Variants in METTL15 observed in about 807,000 individuals in gnomAD.
The protein encoded by METTL15 is 12S rRNA N(4)-cytidine methyltransferase METTL15.
In METTL15, 34 loss-of-function variants were observed where a neutral mutation model predicts 38.3. The observed-to-expected ratio is 0.89, with a 90% CI of 0.68 to 1.18. METTL15 has a LOEUF of 1.18. Among genes scored for constraint, METTL15 ranks in the 50% most tolerant of loss-of-function variants. METTL15 has a pLI of 0.00. For missense variants in METTL15, 438 were observed against 498.4 expected (o/e 0.88, Z 1.15); for synonymous variants, 162 against 170.9 (o/e 0.95, Z 0.41).
intron 5 of METTL15, among the ~76,000 whole-genome samples, chr11:28,391,469 C>G (rs1301936303): frequency 6.6e-6 from 1 of 151,958 alleles, no homozygotes; most frequent in Non-Finnish European, 1.5e-5. Context: ...AAGACCTTTT[C>G]TGCATCTATT....
intron 3 of METTL15, among the ~76,000 whole-genome samples, chr11:28,195,220 G>A (rs1202408749): frequency 2.0e-5 from 3 of 151,850 alleles, no homozygotes; most frequent in Non-Finnish European, 2.9e-5. Flanking sequence ...TTTTCTTTTA[G>A]GTAGATACCC....
chr11:28,324,581 C>G (rs1435092686), intron 6 of METTL15, among the ~76,000 whole-genome samples: 2 of 152,236 alleles, frequency 1.3e-5, no homozygotes, highest in Non-Finnish European at 2.9e-5. Flanking sequence ...TGAGAGTTCA[C>G]TTGCTCCAAC....
rs1485687345 is a variant in METTL15 at position 28,369,079 on chromosome 11, C to T, written c.*358+7043C>T. On this transcript the variant is annotated intron_variant and NMD_transcript_variant, in intron 5 of 7. Transcript: ENST00000532947. ...TGATGAGTTGATGGGTGCAGCAAGC[C>T]ACCATGGCACCTGTATACCTATGTA... Among the ~76,000 whole-genome samples, 3 of 151,916 alleles carry T rather than the reference C, an allele frequency of 2.0e-5. No homozygotes were observed. In the South Asian group the frequency reaches 6.2e-4, roughly 32 times the overall value.
intron 3 of METTL15, among the ~76,000 whole-genome samples, chr11:28,119,507 C>A (rs1350631380): frequency 1.3e-5 from 2 of 152,104 alleles, no homozygotes; most frequent in Non-Finnish European, 2.9e-5. Context: ...AAAACAGATA[C>A]AAAGGCTGAG....
At chr11:28,263,396 A>G (rs1855287865) in intron 4 of METTL15, among the ~76,000 whole-genome samples, 1 of 152,120 alleles carries the variant, frequency 6.6e-6, no homozygotes, top group Non-Finnish European at 1.5e-5. Context: ...TTTTGTAGTC[A>G]AGGTGATAAA....
intron 4 of METTL15, among the ~76,000 whole-genome samples, chr11:28,263,154 A>G (rs1363841407): frequency 2.0e-5 from 3 of 152,072 alleles, no homozygotes; most frequent in African/African-American, 7.2e-5. Context: ...TATATACAGT[A>G]TGGTGACATT....
intron 3 of METTL15, among the ~76,000 whole-genome samples, chr11:28,348,040 CTA>C (rs1408271587): frequency 6.6e-6 from 1 of 152,166 alleles, no homozygotes; most frequent in Non-Finnish European, 1.5e-5. Context: ...CATTACCATC[CTA>C]TGAGATTGCA....
chr11:28,508,715 T>A (rs1019134703), intron 6 of METTL15, among the ~76,000 whole-genome samples: 26 of 152,208 alleles, frequency 1.7e-4, no homozygotes, highest in Non-Finnish European at 1.5e-5. Context: ...TAATTCTGTA[T>A]AATCATCAGG....
At chr11:28,446,048 A>G (rs185567231) in intron 6 of METTL15, among the ~76,000 whole-genome samples, 1 of 152,270 alleles carries the variant, frequency 6.6e-6, no homozygotes, top group East Asian at 1.9e-4. Flanking sequence ...AGAGATTGCA[A>G]TTAGACTCTC....
intron 3 of METTL15, among the ~76,000 whole-genome samples, chr11:28,143,043 A>G (rs1021206421): frequency 3.9e-5 from 6 of 152,106 alleles, no homozygotes; most frequent in Admixed American, 3.3e-4. Flanking sequence ...GTAAGTGAAG[A>G]GAGGGAACTG....
At chr11:28,223,621 C>T (rs2133869344) in intron 4 of METTL15, among the ~76,000 whole-genome samples, 1 of 152,122 alleles carries the variant, frequency 6.6e-6, no homozygotes, top group African/African-American at 2.4e-5. Flanking sequence ...TTAAGTTTCT[C>T]TTAAAAAATC....
chr11:28,228,159 T>C (rs1853554101), intron 4 of METTL15, among the ~76,000 whole-genome samples: 1 of 151,886 alleles, frequency 6.6e-6, no homozygotes, highest in Non-Finnish European at 1.5e-5. Flanking sequence ...CTTTCGGTAA[T>C]TACCTTTTTC....
At chr11:28,196,411 T>G (rs976483516) in intron 3 of METTL15, among the ~76,000 whole-genome samples, 1 of 151,984 alleles carries the variant, frequency 6.6e-6, no homozygotes, top group Non-Finnish European at 1.5e-5. Context: ...TGTAGAGATA[T>G]TTCACCTCCT....
chr11:28,178,831 G>C (rs1383211800), intron 3 of METTL15, among the ~76,000 whole-genome samples: 1 of 151,474 alleles, frequency 6.6e-6, no homozygotes, highest in Admixed American at 6.6e-5. Context: ...TTCCTTATAG[G>C]TTTCGTATAT....
intron 6 of METTL15, among the ~76,000 whole-genome samples, chr11:28,450,663 C>A (rs1306656315): frequency 6.6e-6 from 1 of 152,158 alleles, no homozygotes; most frequent in Non-Finnish European, 1.5e-5. Context: ...TAGTTTTGGG[C>A]TCCTTATTGG....
At chr11:28,396,002 G>A (rs1850564152) in intron 5 of METTL15, among the ~76,000 whole-genome samples, 1 of 151,904 alleles carries the variant, frequency 6.6e-6, no homozygotes, top group South Asian at 2.1e-4. Flanking sequence ...AAACCACATG[G>A]TTGTCTCAAT....
At position 28,393,437 on chromosome 11, in the gene METTL15, G is replaced by A. The variant is rs137994845; in HGVS notation, c.*359-30862G>A. On this transcript the variant is annotated intron_variant and NMD_transcript_variant, in intron 5 of 7. Transcript: ENST00000532947. ...TATTGTTCACGGTGTCTATGGGTCAGGAATTTTGAAGTGGCTTAGTTAGGC... is the reference window on the plus strand; with the variant it reads ...TATTGTTCACGGTGTCTATGGGTCAAGAATTTTGAAGTGGCTTAGTTAGGC... Among the ~76,000 whole-genome samples, 296 of 152,240 alleles carry A rather than the reference G, an allele frequency of 1.9e-3. 1 individual carries two copies. Among genetic ancestry groups the A allele is most frequent in the Middle Eastern group, 6.8e-3 (2 of 294 alleles).
At chr11:28,111,547 C>G (rs888531410) in intron 2 of METTL15, among the ~76,000 whole-genome samples, 3 of 152,142 alleles carry the variant, frequency 2.0e-5, no homozygotes, top group African/African-American at 7.2e-5. Context: ...AATTGAAGTA[C>G]TATTAAATTA....
chr11:28,211,246 C>A, intron 4 of METTL15, 48 bp downstream of exon 4: 4 of 1,564,884 alleles, frequency 2.6e-6, no homozygotes, highest in Non-Finnish European at 2.6e-6. Context: ...CTTAGTTTTA[C>A]AGAGCTTGGT....
Sources: allele counts gnomAD v4.1 joint callset (sites outside exome capture counted in the v4.1 genomes callset), GRCh38; gene constraint gnomAD v4.1.1; transcripts MANE v1.5; gene names NCBI Gene and HGNC (gene_info 2026-07-23, HGNC 2026-07-21).